Variants in HSD17B13 observed in about 807,000 individuals in gnomAD.
The protein encoded by HSD17B13 is 17-beta-hydroxysteroid dehydrogenase 13.
Under a neutral mutation model 31.1 loss-of-function variants are expected in HSD17B13, and 26 were observed. The ratio of observed to expected loss-of-function variants is 0.84; its 90% confidence interval spans 0.61 to 1.16. The LOEUF (loss-of-function observed/expected upper bound fraction) is 1.16. Among genes scored for constraint, HSD17B13 ranks in the 50% most tolerant of loss-of-function variants. The pLI is 0.00. For synonymous variants in HSD17B13, 141 were observed against 133.7 expected, an observed-to-expected ratio of 1.05 and a Z score of -0.38; for missense variants, 374 against 366.5, an observed-to-expected ratio of 1.02 and a Z score of -0.17.
chr4:87,320,623 G>A (rs11726577), intron 1 of HSD17B13, among the ~76,000 whole-genome samples: 17,389 of 152,010 alleles, frequency 0.11, 1,286 homozygotes, highest in Non-Finnish European at 0.16. Context: ...TCCTGACCTC[G>A]TGATCCGCCC....
At chr4:87,321,133 G>A (rs558268689) in intron 1 of HSD17B13, among the ~76,000 whole-genome samples, 4 of 151,888 alleles carry the variant, frequency 2.6e-5, no homozygotes, top group Admixed American at 2.0e-4. Flanking sequence ...GAACTGAAAC[G>A]ATCCTCCCAC....
chr4:87,310,300 G>T lies in HSD17B13; in HGVS notation c.755C>A (p.Thr252Asn), dbSNP rs148313652. 122 of 1,580,724 alleles carry T rather than the reference G, an allele frequency of 7.7e-5. 1 individual carries two copies. In the African/African-American group the frequency reaches 1.6e-3, roughly 21 times the overall value. ...VVRSLIDGIL[T>N]NKKMIFVPSY... is the part of the protein sequence containing the mutation. ...TGGAACAAAAATCATTTTCTTATTG[G>T]TAAGTATTCCATCTATCAGACTTCT... Residue 252 changes from threonine (T) to asparagine (N), a missense_variant, in exon 6 of 7, where the codon ACC (threonine) becomes AAC (asparagine). Transcript: ENST00000328546.
At chr4:87,316,476 A>G (rs1320431434) in intron 3 of HSD17B13, among the ~76,000 whole-genome samples, 1 of 152,148 alleles carries the variant, frequency 6.6e-6, no homozygotes, top group Non-Finnish European at 1.5e-5. Context: ...TTCTACACTA[A>G]TATTGAGGCA....
chr4:87,311,664 T>C (rs1233287536), intron 5 of HSD17B13, among the ~76,000 whole-genome samples: 3 of 152,178 alleles, frequency 2.0e-5, no homozygotes, highest in African/African-American at 7.2e-5. Flanking sequence ...AAATGTTGTA[T>C]TCAAATTAAG....
chr4:87,320,133 G>A (rs1270935653), intron 1 of HSD17B13, among the ~76,000 whole-genome samples: 1 of 152,116 alleles, frequency 6.6e-6, no homozygotes, highest in Non-Finnish European at 1.5e-5. Flanking sequence ...TGGAGCAGCA[G>A]CCTGAACTCC....
chr4:87,317,446 A>G (rs1316844498), intron 2 of HSD17B13, among the ~76,000 whole-genome samples: 1 of 151,590 alleles, frequency 6.6e-6, no homozygotes, highest in Admixed American at 6.6e-5. Context: ...CCAGCACATC[A>G]TGTTTTGCAA....
At chr4:87,310,816 C>T (rs553414591) in intron 5 of HSD17B13, among the ~76,000 whole-genome samples, 28 of 152,134 alleles carry the variant, frequency 1.8e-4, no homozygotes, top group Middle Eastern at 3.2e-3. Flanking sequence ...TTGTCAGAGG[C>T]GTTTAAATCA....
intron 1 of HSD17B13, among the ~76,000 whole-genome samples, chr4:87,322,422 C>A (rs1734809681): frequency 6.6e-6 from 1 of 152,180 alleles, no homozygotes; most frequent in Non-Finnish European, 1.5e-5. Flanking sequence ...TTTCTATCAA[C>A]CTGCACACCA....
chr4:87,304,969 G>A lies in HSD17B13; in HGVS notation c.*249C>T. 1 of 338,692 alleles carries A rather than the reference G, an allele frequency of 3.0e-6. No individual in the cohort carries two copies. Among genetic ancestry groups the A allele is most frequent in the Non-Finnish European group, 5.3e-6 (1 of 189,986 alleles). The allele number at this position is 338,692 out of a possible 1,614,324, so 21.0% of individuals were successfully genotyped here. On this transcript the variant is annotated 3_prime_UTR_variant, in exon 7 of 7. Transcript: ENST00000328546. ...AAATATCTTAAAGAAAACCTTTTAA[G>A]TATGTTTATGTAAGCACAGAAGTTT...
chr4:87,307,557 GGC>G (rs1734419768), intron 6 of HSD17B13, among the ~76,000 whole-genome samples: 1 of 152,056 alleles, frequency 6.6e-6, no homozygotes, highest in African/African-American at 2.4e-5. Flanking sequence ...CTGTTGCCCA[GGC>G]TGGAGTGCAG....
intron 6 of HSD17B13, among the ~76,000 whole-genome samples, chr4:87,309,151 G>A (rs1734466421): frequency 6.6e-6 from 1 of 152,020 alleles, no homozygotes; most frequent in South Asian, 2.1e-4. Flanking sequence ...GGGAGGCTGA[G>A]GCAGGTGGAT....
In HSD17B13 at chr4:87,305,223, T is replaced by C; in HGVS notation, c.898A>G (p.Lys300Glu). 6.3e-7 allele frequency: 1 copy of C among 1,595,252 alleles called. No individual in the cohort carries two copies. Among genetic ancestry groups the C allele is most frequent in the Non-Finnish European group, 8.6e-7 (1 of 1,167,100 alleles). ...EAVVGHKIKM[K>E] ...TCTGGCTGGAGCTTATTTATTCATT[T>C]CATTTTGATTTTGTGGCCAACCACT... Residue 300 changes from lysine to glutamate, a missense_variant, in exon 7 of 7, where the codon AAA becomes GAA. By Grantham distance (56) the Lys-to-Glu change is moderately conservative (BLOSUM62 1). Coordinates refer to ENST00000328546, the MANE Select transcript of HSD17B13 (RefSeq NM_178135.5).
In HSD17B13 at chr4:87,305,292, C is replaced by T. The variant is rs1330923017; in HGVS notation, c.829G>A (p.Ala277Thr). The part of the protein sequence containing the change: ...LRLQKFLPER[A>T]SAILNRMQNI... The stretch of plus-strand genomic sequence containing the variant: ...TGCATACGATTTAAAATCGCTGAGG[C>T]GCGTTCAGGAAGAAACCTGTACAAA... Residue 277 changes from alanine to threonine, a missense_variant, in exon 7 of 7, where the codon GCC (alanine) becomes ACC (threonine). Physicochemically the swap from Ala to Thr is moderately conservative, Grantham distance 58. Coordinates refer to ENST00000328546, the MANE Select transcript of HSD17B13 (RefSeq NM_178135.5). 7 of 1,602,244 alleles carry T rather than the reference C, an allele frequency of 4.4e-6. No individual in the cohort carries two copies. Among genetic ancestry groups the T allele is most frequent in the African/African-American group, 1.3e-5 (1 of 74,644 alleles).
chr4:87,313,745 C>T, intron 5 of HSD17B13, 78 bp downstream of exon 5: 2 of 1,158,540 alleles, frequency 1.7e-6, no homozygotes, highest in South Asian at 1.6e-5. Flanking sequence ...TATTAGTTGG[C>T]CTGCCTAAAC....
At chr4:87,311,528 T>C (rs577961021) in intron 5 of HSD17B13, among the ~76,000 whole-genome samples, 16 of 152,154 alleles carry the variant, frequency 1.1e-4, no homozygotes, top group South Asian at 8.3e-4. Context: ...CAACTGGAGG[T>C]ATGTCATACT....
intron 1 of HSD17B13, among the ~76,000 whole-genome samples, chr4:87,321,776 G>T (rs564416568): frequency 6.6e-6 from 1 of 152,148 alleles, no homozygotes; most frequent in Non-Finnish European, 1.5e-5. Context: ...AACTAAACAT[G>T]ACAGCAAAGA....
intron 1 of HSD17B13, 106 bp from the exon 2 acceptor site, chr4:87,318,542 G>T: frequency 1.2e-6 from 1 of 845,488 alleles, no homozygotes; most frequent in Non-Finnish European, 1.9e-6. Flanking sequence ...GCTCACGCCT[G>T]TAATCCCAGC....
chr4:87,315,499 G>A lies in HSD17B13; in HGVS notation c.551C>T (p.Pro184Leu). 6.3e-7 allele frequency: 1 copy of A among 1,582,946 alleles called. No homozygotes were observed. Among genetic ancestry groups the A allele is most frequent in the Non-Finnish European group, 8.7e-7 (1 of 1,153,074 alleles). ...GCTGGCATGTGATACTTACCAATAT[G>A]GGATGAGGTAAGGAATCCCTTCGTG... ...CGHEGIPYLI[P>L]YCSSKFAAVG... Residue 184 changes from proline (P) to leucine (L), a missense_variant, in exon 4 of 7, where the codon CCA (proline) becomes CTA (leucine). Physicochemically the swap from Pro to Leu is moderately conservative, Grantham distance 98. Transcript: ENST00000328546.
intron 6 of HSD17B13, among the ~76,000 whole-genome samples, chr4:87,307,380 G>A (rs1453225757): frequency 6.6e-6 from 1 of 152,114 alleles, no homozygotes; most frequent in Non-Finnish European, 1.5e-5. Flanking sequence ...TCATATGCAT[G>A]TATATGCATG....
Sources: allele counts gnomAD v4.1 joint callset (sites outside exome capture counted in the v4.1 genomes callset), GRCh38; gene constraint gnomAD v4.1.1; transcripts MANE v1.5; gene names NCBI Gene and HGNC (gene_info 2026-07-23, HGNC 2026-07-21).